IFT81: variants seen among roughly 807,000 people sequenced by gnomAD.
IFT81 encodes intraflagellar transport 81.
A neutral mutation model predicts 102.6 loss-of-function variants in IFT81; 72 were observed. That is an observed-to-expected ratio of 0.70 (90% CI 0.58 to 0.85). The LOEUF is 0.85. Among genes scored for constraint, IFT81 ranks in the 40% least tolerant of loss-of-function variants. The pLI, the probability that IFT81 is intolerant of heterozygous loss-of-function variation, is 0.00. For synonymous variants in IFT81, 237 were observed against 242.7 expected (o/e 0.98, Z 0.22); for missense variants, 723 against 787.3 (o/e 0.92, Z 0.98).
At chr12:110,174,302 A>AT (rs1896942194) in intron 11 of IFT81, among the ~76,000 whole-genome samples, 1 of 148,094 alleles carries the variant, frequency 6.8e-6, no homozygotes, top group Non-Finnish European at 1.5e-5. Context: ...AAAAAAAAAA[A>AT]AAAAATTAGC....
intron 11 of IFT81, among the ~76,000 whole-genome samples, chr12:110,180,052 T>C (rs1897254433): frequency 6.6e-6 from 1 of 152,022 alleles, no homozygotes; most frequent in Non-Finnish European, 1.5e-5. Flanking sequence ...AGCAAGATAC[T>C]TGCAGGTCCT....
chr12:110,157,274 G>C (rs1222652072), intron 10 of IFT81, among the ~76,000 whole-genome samples: 1 of 152,082 alleles, frequency 6.6e-6, no homozygotes. Flanking sequence ...GCTTGAACCT[G>C]GGAGGCGGAG....
At chr12:110,196,919 G>T (rs1339066179) in intron 14 of IFT81, among the ~76,000 whole-genome samples, 1 of 152,016 alleles carries the variant, frequency 6.6e-6, no homozygotes, top group Non-Finnish European at 1.5e-5. Flanking sequence ...AGCATGTAGG[G>T]CCAGGCAGCA....
At chr12:110,205,381 A>G (rs1017900240) in intron 15 of IFT81, 62 bp from the exon 16 acceptor site, 4 of 1,506,748 alleles carry the variant, frequency 2.7e-6, no homozygotes, top group African/African-American at 2.8e-5. Flanking sequence ...ATCTAAAGTC[A>G]TCGTCGCCAT....
intron 4 of IFT81, among the ~76,000 whole-genome samples, chr12:110,130,451 C>G (rs1002195609): frequency 1.1e-4 from 16 of 150,546 alleles, no homozygotes; most frequent in Admixed American, 2.0e-4. Flanking sequence ...CTCACTGCAA[C>G]CTCCGCCTCC....
chr12:110,196,819 C>T (rs904101085), intron 14 of IFT81, among the ~76,000 whole-genome samples: 3 of 152,080 alleles, frequency 2.0e-5, no homozygotes, highest in Non-Finnish European at 4.4e-5. Context: ...AGCATATATG[C>T]CAGCTTTCTT....
In IFT81 at chr12:110,180,484, A is replaced by T; in HGVS notation, c.1251A>T (p.Ile417=). 1 of 1,611,552 alleles carries T rather than the reference A, an allele frequency of 6.2e-7. No individual in the cohort carries two copies. The highest frequency in any genetic ancestry group is 8.5e-7 in the Non-Finnish European group (1 of 1,178,000). ...CAGTTTTCAAAAAGAAGCATCAGATAATAGCTGAACTTAAAGCTGAATTCG... is the reference window on the plus strand; with the variant it reads ...CAGTTTTCAAAAAGAAGCATCAGATTATAGCTGAACTTAAAGCTGAATTCG... The part of the protein sequence containing the change: ...KSTVFKKKHQ[I]IAELKAEFGL... Residue 417 remains isoleucine, a synonymous_variant, in exon 12 of 19, where the codon ATA becomes ATT. Transcript: ENST00000242591.
intron 6 of IFT81, 116 bp from the exon 7 acceptor site, chr12:110,135,191 CCTAGAGCTTTACTGTCATCT>C: frequency 1.4e-6 from 1 of 711,746 alleles, no homozygotes; most frequent in African/African-American, 1.8e-5. Context: ...GGACCTGGAG[CCTAGAGCTTTACTGTCATCT>C]CTAGGGAGTA....
chr12:110,168,529 TA>T, intron 11 of IFT81: 2 of 734,388 alleles, frequency 2.7e-6, no homozygotes, highest in Non-Finnish European at 3.3e-6. Flanking sequence ...TTAATTTTTT[TA>T]AAAAGTATCC....
intron 14 of IFT81, among the ~76,000 whole-genome samples, chr12:110,202,535 C>T (rs1301902107): frequency 1.3e-5 from 2 of 151,270 alleles, no homozygotes; most frequent in African/African-American, 2.4e-5. Context: ...TCACTGCAAC[C>T]TCCACCTCCC....
chr12:110,182,436 G>C (rs1355760367), intron 12 of IFT81, among the ~76,000 whole-genome samples: 2 of 151,994 alleles, frequency 1.3e-5, no homozygotes, highest in Admixed American at 6.6e-5. Flanking sequence ...ACCTCCTCTG[G>C]TTTAGATGAC....
At chr12:110,160,183 G>C (rs572432712) in intron 10 of IFT81, among the ~76,000 whole-genome samples, 4 of 152,144 alleles carry the variant, frequency 2.6e-5, no homozygotes, top group Non-Finnish European at 1.5e-5. Flanking sequence ...TAGGATATAG[G>C]TATATATAAA....
At chr12:110,215,706 C>T (rs1870024388) in intron 18 of IFT81, among the ~76,000 whole-genome samples, 2 of 150,886 alleles carry the variant, frequency 1.3e-5, no homozygotes, top group South Asian at 4.2e-4. Flanking sequence ...TCTCTTTTTT[C>T]CTACCGTGTC....
intron 9 of IFT81, among the ~76,000 whole-genome samples, chr12:110,144,829 C>T (rs1356370786): frequency 6.7e-6 from 1 of 148,822 alleles, no homozygotes; most frequent in Non-Finnish European, 1.5e-5. Flanking sequence ...CATTTTTGTT[C>T]CCTAGAATTA....
intron 11 of IFT81, chr12:110,167,839 T>C: frequency 6.4e-6 from 2 of 313,018 alleles, no homozygotes; most frequent in South Asian, 2.6e-5. Flanking sequence ...TTTTTTTTAT[T>C]TAGGTTTCTT....
At chr12:110,211,038 T>A (rs1220341738) in intron 18 of IFT81, among the ~76,000 whole-genome samples, 3 of 150,704 alleles carry the variant, frequency 2.0e-5, no homozygotes, top group Non-Finnish European at 4.4e-5. Context: ...GTATTTTTTT[T>A]TTTTTTGTAG....
intron 10 of IFT81, among the ~76,000 whole-genome samples, chr12:110,152,324 G>A (rs1427489698): frequency 1.3e-5 from 2 of 152,020 alleles, no homozygotes; most frequent in African/African-American, 2.4e-5. Flanking sequence ...TTGTTATCTT[G>A]TGTCATTTTG....
At chr12:110,172,942 T>TTGGG (rs1896821697) in intron 11 of IFT81, among the ~76,000 whole-genome samples, 1 of 114,412 alleles carries the variant, frequency 8.7e-6, no homozygotes, top group African/African-American at 3.3e-5. Context: ...GGGAGGGAGG[T>TTGGG]GGGGGTCAGC....
At chr12:110,147,153 TG>T in intron 10 of IFT81, 105 bp downstream of exon 10, 7 of 815,824 alleles carry the variant, frequency 8.6e-6, no homozygotes, top group Non-Finnish European at 1.3e-5. Context: ...AGAGAATAAA[TG>T]TTGTTCTGTC....
Sources: allele counts gnomAD v4.1 joint callset (sites outside exome capture counted in the v4.1 genomes callset), GRCh38; gene constraint gnomAD v4.1.1; transcripts MANE v1.5; gene names NCBI Gene and HGNC (gene_info 2026-07-23, HGNC 2026-07-21).